COX5A: variants seen among roughly 807,000 people sequenced by gnomAD.
COX5A encodes the protein cytochrome c oxidase subunit 5A, mitochondrial.
Under a neutral mutation model 16.1 loss-of-function variants are expected in COX5A, and 6 were observed. The observed-to-expected ratio is 0.37, with a 90% CI of 0.20 to 0.73. The LOEUF (loss-of-function observed/expected upper bound fraction) is 0.73, where lower values mean the gene tolerates loss of function less well. COX5A is among the 30% of genes least tolerant of loss of function. COX5A has a pLI of 0.50. For missense variants in COX5A, 159 were observed against 194.9 expected, an observed-to-expected ratio of 0.82 and a Z score of 1.10; for synonymous variants, 73 against 73.8, an observed-to-expected ratio of 0.99 and a Z score of 0.06.
Position 74,929,034 on chromosome 15 carries a change from GA to G in COX5A, c.217+81del, listed in dbSNP as rs1415806801. The G allele has an allele frequency of 3.0e-6, 3 of 994,562 alleles. No homozygotes were observed. The African/African-American group carries it at 4.8e-5, about 16-fold the overall frequency. The allele number at this position is 994,562 out of a possible 1,614,324, so 61.6% of individuals were successfully genotyped here. On this transcript the variant is annotated intron_variant, in intron 2 of 4. Coordinates refer to ENST00000322347, the MANE Select transcript of COX5A (RefSeq NM_004255.4). ...ACCAGTTTAAACAACGCATGTTTTC[GA>G]AACAGTTGCTCTCAATAAAGGAGCA...
chr15:74,931,572 G>C (rs964838450), intron 1 of COX5A, among the ~76,000 whole-genome samples: 1 of 90,464 alleles, frequency 1.1e-5, no homozygotes. Context: ...TTTTTTTTTT[G>C]AGATCGAGTC....
chr15:74,932,273 T>C (rs2065370825), intron 1 of COX5A, among the ~76,000 whole-genome samples: 1 of 152,174 alleles, frequency 6.6e-6, no homozygotes, highest in Non-Finnish European at 1.5e-5. Flanking sequence ...ACTACCTGTA[T>C]TAGATAAGTG....
Position 74,926,834 on chromosome 15 carries a change from C to T in COX5A, c.271G>A (p.Ala91Thr), listed in dbSNP as rs770178135. 2 of 1,613,968 alleles carry T rather than the reference C, an allele frequency of 1.2e-6. No homozygotes were observed. The highest frequency in any genetic ancestry group is 2.2e-5 in the South Asian group (2 of 91,050). The change falls in exon 3 of 5, where the codon GCT becomes ACT. Residue 91 changes from alanine to threonine, a missense_variant. Coordinates refer to ENST00000322347, the MANE Select transcript of COX5A (RefSeq NM_004255.4). ...AACCGTCTGCATGCCCGCAAAGCAGCATCAATGATTTTGGGCTCTGGAACC... is the reference window on the plus strand; with the variant it reads ...AACCGTCTGCATGCCCGCAAAGCAGTATCAATGATTTTGGGCTCTGGAACC... ...DMVPEPKIID[A>T]ALRACRRLND...
chr15:74,930,311 G>A lies in COX5A; in HGVS notation c.101-1079C>T, dbSNP rs555245897. On this transcript the variant is annotated intron_variant, in intron 1 of 4. Transcript: ENST00000322347. Reference sequence around the variant, plus strand: ...CGCGTGCCTGTAGTCCCAGCAACTCGGGAGGATGAAGCAGGGGAATTGCTT... The same window carrying A: ...CGCGTGCCTGTAGTCCCAGCAACTCAGGAGGATGAAGCAGGGGAATTGCTT... Among the ~76,000 whole-genome samples, 8 of 151,554 alleles carry A rather than the reference G, an allele frequency of 5.3e-5. No homozygotes were observed. The East Asian group carries it at 1.2e-3, about 22-fold the overall frequency.
chr15:74,929,094 A>C (rs1226294654), intron 2 of COX5A, 22 bp downstream of exon 2: 1 of 1,507,744 alleles, frequency 6.6e-7, no homozygotes, highest in Non-Finnish European at 9.2e-7. Flanking sequence ...AAAATAGACA[A>C]ATATGTTTAT....
In COX5A at chr15:74,926,841, G is replaced by T. The variant is rs1251301208; in HGVS notation, c.264C>A (p.Ile88=). 1.2e-6 allele frequency: 2 copies of T among 1,613,854 alleles called. No individual in the cohort carries two copies. The highest frequency in any genetic ancestry group is 1.7e-6 in the Non-Finnish European group (2 of 1,179,948). ...VTYDMVPEPK[I]IDAALRACRR... ...TGCATGCCCGCAAAGCAGCATCAAT[G>T]ATTTTGGGCTCTGGAACCATATCAT... The change falls in exon 3 of 5, where the codon ATC becomes ATA. Residue 88 remains isoleucine, a synonymous_variant. Transcript: ENST00000322347.
intron 1 of COX5A, among the ~76,000 whole-genome samples, chr15:74,933,975 T>C (rs1387562644): frequency 2.6e-5 from 4 of 152,190 alleles, no homozygotes; most frequent in African/African-American, 4.8e-5. Flanking sequence ...AATTACAAAC[T>C]GGTTGTATTC....
At chr15:74,922,993 C>T (rs1338978552) in intron 4 of COX5A, among the ~76,000 whole-genome samples, 2 of 152,104 alleles carry the variant, frequency 1.3e-5, no homozygotes, top group Non-Finnish European at 2.9e-5. Flanking sequence ...GCAAATGTGG[C>T]AACAATAAAA....
Position 74,929,190 on chromosome 15 carries a change from G to A in COX5A, c.143C>T (p.Thr48Ile), listed in dbSNP as rs780696817. The change falls in exon 2 of 5, where the codon ACA becomes ATA. Residue 48 changes from threonine to isoleucine, a missense_variant. Physicochemically the swap from Thr to Ile is moderately conservative, Grantham distance 89 (BLOSUM62 -1). Transcript: ENST00000322347. ...CCAGCGAGCATCAAACTCCTCATCT[G>A]TCTCCTGTGACCCATGGGAATAGCA... ...VRCYSHGSQETDEEFDARWVT... is the reference protein window; with the variant it reads ...VRCYSHGSQEIDEEFDARWVT... 1.7e-5 allele frequency: 27 copies of A among 1,614,060 alleles called. No individual in the cohort carries two copies. The highest frequency in any genetic ancestry group is 2.3e-5 in the Non-Finnish European group (27 of 1,179,976).
At chr15:74,924,073 G>A (rs1441964157) in intron 3 of COX5A, among the ~76,000 whole-genome samples, 1 of 151,992 alleles carries the variant, frequency 6.6e-6, no homozygotes, top group Non-Finnish European at 1.5e-5. Flanking sequence ...TCAGCTACTC[G>A]GGAGGCTGAG....
chr15:74,929,385 GAT>G (rs1056837565), intron 1 of COX5A, among the ~76,000 whole-genome samples, 153 bp from the exon 2 acceptor site: 2 of 152,284 alleles, frequency 1.3e-5, no homozygotes, highest in South Asian at 2.1e-4. Context: ...GATACAGAAA[GAT>G]ATATTTTAAA....
chr15:74,920,680 A>G (rs2141268907), intron 4 of COX5A, among the ~76,000 whole-genome samples: 1 of 152,322 alleles, frequency 6.6e-6, no homozygotes, highest in East Asian at 1.9e-4. Context: ...CCATTTAACA[A>G]AAGAAATTTT....
At position 74,923,642 on chromosome 15, in the gene COX5A, G is replaced by A. The variant is rs377689099; in HGVS notation, c.*9+6C>T. The A allele has an allele frequency of 9.8e-5, 149 of 1,517,858 alleles. No individual in the cohort carries two copies. The highest frequency in any genetic ancestry group is 1.3e-4 in the Non-Finnish European group (141 of 1,094,308). 94.0% of individuals were successfully genotyped at this position (1,517,858 alleles called of 1,614,324 possible). On this transcript the variant is annotated splice_donor_region_variant and intron_variant, in intron 4 of 4. Coordinates refer to ENST00000322347, the MANE Select transcript of COX5A (RefSeq NM_004255.4). ...TTCCTGCCTTCTTCAGTGGTTTGTC[G>A]CTTACCCATGCGGTTTACACTTTGT...
intron 1 of COX5A, among the ~76,000 whole-genome samples, chr15:74,930,416 CAA>C (rs71140116): frequency 7.4e-4 from 81 of 110,032 alleles, no homozygotes; most frequent in Non-Finnish European, 7.5e-4. Context: ...GACTCCGCCT[CAA>C]AAAAAAAAAA....
At chr15:74,927,589 A>T (rs557493139) in intron 2 of COX5A, among the ~76,000 whole-genome samples, 1 of 151,918 alleles carries the variant, frequency 6.6e-6, no homozygotes, top group East Asian at 1.9e-4. Context: ...CCTGGTCAAC[A>T]TGGAGAAACC....
In COX5A at chr15:74,936,311, AAAC is replaced by A. The variant is rs1470863202; in HGVS notation, c.100+1601_100+1603del. 1.5e-4 allele frequency among the ~76,000 whole-genome samples: 22 copies of A among 147,578 alleles called. No individual in the cohort carries two copies. The East Asian group carries it at 1.5e-3, about 10-fold the overall frequency. On this transcript the variant is annotated intron_variant, in intron 1 of 4. Coordinates refer to ENST00000322347, the MANE Select transcript of COX5A (RefSeq NM_004255.4). Reference sequence around the variant, plus strand: ...CAAAACAAAACAAAAACAAACAAACAAACAAAAAAAAACAAGGAGTCAGTTTCC... The same window carrying A: ...CAAAACAAAACAAAAACAAACAAACAAAAAAAAAACAAGGAGTCAGTTTCC...
intron 1 of COX5A, among the ~76,000 whole-genome samples, chr15:74,932,168 A>G (rs2065370296): frequency 1.3e-5 from 2 of 152,220 alleles, no homozygotes; most frequent in East Asian, 1.9e-4. Context: ...AACAAATGGT[A>G]GCTATAAACT....
intron 3 of COX5A, among the ~76,000 whole-genome samples, chr15:74,925,065 G>A (rs988291143): frequency 3.3e-5 from 5 of 152,318 alleles, no homozygotes; most frequent in African/African-American, 1.2e-4. Context: ...GCTCACGCCT[G>A]TAATCCCAGC....
intron 3 of COX5A, among the ~76,000 whole-genome samples, chr15:74,926,488 TAAAA>T (rs1356115896): frequency 8.4e-6 from 1 of 119,732 alleles, no homozygotes; most frequent in African/African-American, 2.8e-5. Context: ...GATAAATTCT[TAAAA>T]AAGAAAGAAA....
Sources: allele counts gnomAD v4.1 joint callset (sites outside exome capture counted in the v4.1 genomes callset), GRCh38; gene constraint gnomAD v4.1.1; transcripts MANE v1.5; gene names NCBI Gene and HGNC (gene_info 2026-07-23, HGNC 2026-07-21).